CCPG1: variants seen among roughly 807,000 people sequenced by gnomAD.
The protein encoded by CCPG1 is cell cycle progression protein 1.
In CCPG1, 46 loss-of-function variants were observed where a neutral mutation model predicts 81.3. The observed-to-expected ratio is 0.57, with a 90% CI of 0.45 to 0.72. The LOEUF (loss-of-function observed/expected upper bound fraction) is 0.72, where lower values mean the gene tolerates loss of function less well. Among genes scored for constraint, CCPG1 ranks in the 30% least tolerant of loss-of-function variants. CCPG1 has a pLI of 0.00. For missense variants in CCPG1, 902 were observed against 937.6 expected (o/e 0.96, Z 0.50); for synonymous variants, 330 against 305.2 (o/e 1.08, Z -0.85).
At chr15:55,401,171 G>T (rs73406939) in intron 1 of CCPG1, among the ~76,000 whole-genome samples, 3,178 of 152,058 alleles carry the variant, frequency 0.021, 98 homozygotes, top group African/African-American at 0.069. Context: ...ACCAAATATT[G>T]AATATTCCAC....
At chr15:55,359,332 G>A (rs2056144152) in intron 8 of CCPG1, 8 of 1,267,046 alleles carry the variant, frequency 6.3e-6, no homozygotes, top group Non-Finnish European at 7.0e-6. Flanking sequence ...TCAAGTCAAA[G>A]TGATCACGTT....
intron 3 of CCPG1, among the ~76,000 whole-genome samples, chr15:55,384,458 G>A (rs148715581): frequency 2.0e-4 from 31 of 152,220 alleles, no homozygotes; most frequent in Non-Finnish European, 4.3e-4. Flanking sequence ...TCAGGAGTTC[G>A]AGACCAGGCT....
At chr15:55,359,293 A>T in intron 8 of CCPG1, 1 of 1,185,976 alleles carries the variant, frequency 8.4e-7, no homozygotes, top group Non-Finnish European at 1.0e-6. Context: ...TTCTTAACTG[A>T]TTTTTAAGAT....
intron 1 of CCPG1, among the ~76,000 whole-genome samples, chr15:55,399,562 C>A (rs1294191573): frequency 3.3e-5 from 5 of 152,072 alleles, no homozygotes; most frequent in African/African-American, 1.2e-4. Flanking sequence ...GCACTCCAGC[C>A]TGGGTGACAG....
At chr15:55,381,036 C>T (rs2056679660) in intron 3 of CCPG1, among the ~76,000 whole-genome samples, 1 of 151,908 alleles carries the variant, frequency 6.6e-6, no homozygotes, top group Non-Finnish European at 1.5e-5. Flanking sequence ...ACTTGGGAGG[C>T]TGAGGCAGGA....
At chr15:55,397,205 C>T (rs2057036098) in intron 1 of CCPG1, among the ~76,000 whole-genome samples, 2 of 148,710 alleles carry the variant, frequency 1.3e-5, no homozygotes, top group African/African-American at 4.9e-5. Context: ...CAGAGCGAGA[C>T]TCCGTCTCAA....
chr15:55,380,421 A>C (rs937468598), intron 3 of CCPG1, among the ~76,000 whole-genome samples: 1 of 151,000 alleles, frequency 6.6e-6, no homozygotes, highest in South Asian at 2.1e-4. Context: ...TCAGGCTCCC[A>C]AGTAGCTGGG....
At position 55,363,368 on chromosome 15, in the gene CCPG1, C is replaced by CA. The variant is rs1209140256; in HGVS notation, c.828+1819dup. On this transcript the variant is annotated intron_variant, in intron 7 of 8. Transcript: ENST00000442196. ...CATCTCAGAAAAAAAACAAACAAAA[C>CA]AAAAAAAAAACCCAAACCCAAACCA... Among the ~76,000 whole-genome samples, 223 of 144,090 alleles carry CA rather than the reference C, an allele frequency of 1.5e-3. 2 individuals carry two copies. Among genetic ancestry groups the CA allele is most frequent in the African/African-American group, 4.8e-3 (186 of 39,052 alleles). The allele number at this position is 144,090 out of a possible 152,430, so 94.5% of individuals were successfully genotyped here.
Position 55,355,329 on chromosome 15 carries a change from C to G in CCPG1, c.*891G>C. On this transcript the variant is annotated 3_prime_UTR_variant, in exon 9 of 9. Transcript: ENST00000442196. ...ATTTCAAGCAATTATAAAAGAACTG[C>G]TGTTTTCTTCCACACTCACTTGCCA... The G allele has an allele frequency of 6.2e-7, 1 of 1,610,906 alleles. No homozygotes were observed. The highest frequency in any genetic ancestry group is 8.5e-7 in the Non-Finnish European group (1 of 1,177,484).
chr15:55,390,017 G>A (rs147446350), intron 1 of CCPG1, among the ~76,000 whole-genome samples: 7,486 of 152,252 alleles, frequency 0.049, 262 homozygotes, highest in East Asian at 0.15. Flanking sequence ...TCCGCCTCCC[G>A]GGTTCAAGTG....
chr15:55,401,006 T>C (rs9920450), intron 1 of CCPG1, among the ~76,000 whole-genome samples: 73,395 of 151,958 alleles, frequency 0.48, 18,459 homozygotes, highest in East Asian at 0.74. Context: ...TATCTAGATT[T>C]TGTATCTTGT....
intron 3 of CCPG1, among the ~76,000 whole-genome samples, chr15:55,381,347 G>C (rs1489765369): frequency 6.6e-6 from 1 of 151,276 alleles, no homozygotes; most frequent in Non-Finnish European, 1.5e-5. Flanking sequence ...AGGAGGCTGA[G>C]ACTTGAACCG....
intron 1 of CCPG1, among the ~76,000 whole-genome samples, chr15:55,397,587 T>C (rs889811448): frequency 2.0e-5 from 3 of 152,120 alleles, no homozygotes; most frequent in Non-Finnish European, 4.4e-5. Flanking sequence ...GTATTGAATA[T>C]GGGGTATAAA....
intron 1 of CCPG1, among the ~76,000 whole-genome samples, chr15:55,392,223 TTTTTTTTGAGACG>T (rs1287243832): frequency 6.7e-6 from 1 of 148,994 alleles, no homozygotes; most frequent in South Asian, 2.1e-4. Flanking sequence ...TTTTTTTTTT[TTTTTTTTGAGACG>T]GAGTCTCACT....
intron 1 of CCPG1, among the ~76,000 whole-genome samples, chr15:55,405,496 G>A (rs947947661): frequency 1.3e-5 from 2 of 152,138 alleles, no homozygotes; most frequent in African/African-American, 4.8e-5. Flanking sequence ...AGCAGAGGTT[G>A]CAGTGAGCCG....
intron 1 of CCPG1, among the ~76,000 whole-genome samples, chr15:55,390,423 C>T (rs2056891316): frequency 7.0e-6 from 1 of 142,368 alleles, no homozygotes; most frequent in South Asian, 2.4e-4. Context: ...CTTCAAAACC[C>T]AACTTAGTAA....
chr15:55,379,160 A>ATGTGTGTGTGTGTGTGTGTG (rs2056626835), intron 3 of CCPG1, among the ~76,000 whole-genome samples: 1 of 70,784 alleles, frequency 1.4e-5, no homozygotes, highest in Non-Finnish European at 3.2e-5. Context: ...ATGTATATGT[A>ATGTGTGTGTGTGTGTGTGTG]CGTGTGTGTG....
chr15:55,357,522 C>G (rs1052425946), intron 8 of CCPG1: 7 of 756,876 alleles, frequency 9.2e-6, no homozygotes, highest in Non-Finnish European at 1.1e-5. Context: ...CAACTGTGGT[C>G]TGAAAATGTT....
chr15:55,379,383 T>C (rs1362260348), intron 3 of CCPG1, among the ~76,000 whole-genome samples: 2 of 151,724 alleles, frequency 1.3e-5, no homozygotes. Flanking sequence ...AAAAAATTAT[T>C]TGGGCATGGT....
Sources: allele counts gnomAD v4.1 joint callset (sites outside exome capture counted in the v4.1 genomes callset), GRCh38; gene constraint gnomAD v4.1.1; transcripts MANE v1.5; gene names NCBI Gene and HGNC (gene_info 2026-07-23, HGNC 2026-07-21).